MAPK10: variants seen among roughly 807,000 people sequenced by gnomAD.
MAPK10 encodes the protein mitogen-activated protein kinase 10.
MAPK10 carries 25 observed loss-of-function variants against 59.3 expected under a neutral mutation model. That is an observed-to-expected ratio of 0.42 (90% CI 0.31 to 0.59). The LOEUF is 0.59. Among genes scored for constraint, MAPK10 ranks in the 20% least tolerant of loss-of-function variants. The pLI, the probability that MAPK10 is intolerant of heterozygous loss-of-function variation, is 0.15. For synonymous variants in MAPK10, 190 were observed against 200.5 expected (o/e 0.95, Z 0.44); for missense variants, 351 against 568.9 (o/e 0.62, Z 3.90).
At chr4:86,420,874 G>A (rs917712842) in intron 1 of MAPK10, among the ~76,000 whole-genome samples, 1 of 152,102 alleles carries the variant, frequency 6.6e-6, no homozygotes. Flanking sequence ...TTGAGGTCAG[G>A]AGTATGAGAC....
intron 1 of MAPK10, among the ~76,000 whole-genome samples, chr4:86,375,713 TAAAAAAAAAAAAA>T (rs56189009): frequency 3.0e-5 from 1 of 33,322 alleles, no homozygotes; most frequent in African/African-American, 1.3e-4. Context: ...AGGTCCACTC[TAAAAAAAAAAAAA>T]AAAAAAAAAA....
rs377107765 is a variant in MAPK10 at position 86,244,259 on chromosome 4, CA to C, written c.-6-49853del. 9.3e-3 allele frequency among the ~76,000 whole-genome samples: 1,409 copies of C among 151,768 alleles called. 27 individuals are homozygous for C. The highest frequency in any genetic ancestry group is 0.031 in the African/African-American group (1,285 of 41,386). ...GTGTTTAGGCACTTACGAAAACACT[CA>C]AAAAAAATCAACCATTTTATACCTC... On this transcript the variant is annotated intron_variant, in intron 2 of 13. Transcript: ENST00000641462.
At chr4:86,116,399 T>C (rs565863438) in intron 4 of MAPK10, among the ~76,000 whole-genome samples, 92 of 152,366 alleles carry the variant, frequency 6.0e-4, no homozygotes, top group African/African-American at 1.9e-3. Context: ...AGACTTTATA[T>C]GTGTATAAGA....
At chr4:86,426,931 C>A (rs1747354274) in intron 1 of MAPK10, among the ~76,000 whole-genome samples, 1 of 151,860 alleles carries the variant, frequency 6.6e-6, no homozygotes, top group Non-Finnish European at 1.5e-5. Flanking sequence ...AATTTTTTAT[C>A]TTTTCGACTC....
chr4:86,563,112 T>C (rs1760802800), intron 1 of MAPK10, among the ~76,000 whole-genome samples: 1 of 152,202 alleles, frequency 6.6e-6, no homozygotes, highest in Admixed American at 6.5e-5. Context: ...TAAATATTTG[T>C]GCGATGTTGA....
intron 1 of MAPK10, among the ~76,000 whole-genome samples, chr4:86,424,354 T>A (rs1438271990): frequency 6.6e-6 from 1 of 152,122 alleles, no homozygotes; most frequent in Admixed American, 6.5e-5. Context: ...CACGCTCAGA[T>A]AATTTTTGTA....
chr4:86,202,623 T>C (rs1284031322), intron 2 of MAPK10, among the ~76,000 whole-genome samples: 2 of 151,848 alleles, frequency 1.3e-5, no homozygotes, highest in Non-Finnish European at 2.9e-5. Flanking sequence ...GTAGTAGAAA[T>C]ATGAAGGAAA....
intron 1 of MAPK10, among the ~76,000 whole-genome samples, chr4:86,566,889 C>T (rs573806126): frequency 3.3e-5 from 5 of 151,850 alleles, no homozygotes; most frequent in Non-Finnish European, 7.4e-5. Flanking sequence ...GGCAACATGG[C>T]GAAACCCCGT....
At chr4:86,505,458 T>C (rs1377671123) in intron 1 of MAPK10, among the ~76,000 whole-genome samples, 1 of 151,974 alleles carries the variant, frequency 6.6e-6, no homozygotes, top group Non-Finnish European at 1.5e-5. Context: ...TAAAAATTTG[T>C]GGTGGCATGC....
chr4:86,117,154 G>C (rs746366338), intron 4 of MAPK10, among the ~76,000 whole-genome samples: 1 of 152,164 alleles, frequency 6.6e-6, no homozygotes, highest in Admixed American at 6.5e-5. Flanking sequence ...TGTGCCTATT[G>C]TCCCAGCTAC....
At chr4:86,591,360 GT>G (rs1478347738) in intron 1 of MAPK10, among the ~76,000 whole-genome samples, 3 of 151,526 alleles carry the variant, frequency 2.0e-5, no homozygotes, top group Non-Finnish European at 4.4e-5. Context: ...ATTTTCATAT[GT>G]TTTTTTATTA....
Position 86,450,262 on chromosome 4 carries a change from G to A in MAPK10, c.-122+2768C>T, listed in dbSNP as rs147381266. ...TATGGTGGAGTTTAGTCAGAGTGAA[G>A]TATCAGTATTATACAGTTTAATTAT... is the stretch of plus-strand genomic sequence containing the variant. On this transcript the variant is annotated intron_variant, in intron 1 of 13. Transcript: ENST00000361569. Among the ~76,000 whole-genome samples the A allele has an allele frequency of 6.1e-3, 923 of 152,318 alleles. 7 individuals carry two copies. Among genetic ancestry groups the A allele is most frequent in the African/African-American group, 0.02 (825 of 41,562 alleles).
chr4:86,567,150 A>G (rs1761112097), intron 1 of MAPK10, among the ~76,000 whole-genome samples: 1 of 152,144 alleles, frequency 6.6e-6, no homozygotes, highest in Non-Finnish European at 1.5e-5. Flanking sequence ...TAGATTGTAT[A>G]CTGTACATAA....
At chr4:86,291,807 G>A (rs1024859888) in intron 2 of MAPK10, among the ~76,000 whole-genome samples, 2 of 152,124 alleles carry the variant, frequency 1.3e-5, no homozygotes, top group African/African-American at 2.4e-5. Context: ...CATTTTGCAA[G>A]TGCTAATGCT....
At chr4:86,494,693 A>G (rs554143866) in intron 1 of MAPK10, among the ~76,000 whole-genome samples, 5 of 151,644 alleles carry the variant, frequency 3.3e-5, no homozygotes, top group Admixed American at 3.3e-4. Flanking sequence ...AATACAAAAA[A>G]CTAGCTGGCC....
At chr4:86,552,294 C>A (rs1306681592) in intron 1 of MAPK10, among the ~76,000 whole-genome samples, 2 of 151,660 alleles carry the variant, frequency 1.3e-5, no homozygotes, top group African/African-American at 4.8e-5. Flanking sequence ...GGAGGTGCAT[C>A]CCTGTAGTCT....
At chr4:86,182,341 A>T (rs947528808) in intron 3 of MAPK10, among the ~76,000 whole-genome samples, 1 of 152,146 alleles carries the variant, frequency 6.6e-6, no homozygotes, top group Admixed American at 6.6e-5. Context: ...CAGCAATTTC[A>T]TTTTCCGTAT....
At chr4:86,362,681 C>A (rs543902969), upstream of MAPK10, among the ~76,000 whole-genome samples, 1 of 152,106 alleles carries the variant, frequency 6.6e-6, no homozygotes, top group East Asian at 1.9e-4. Context: ...GGCCAATAAG[C>A]ATATGAAAAA....
chr4:86,095,742 A>G (rs2054099801), intron 9 of MAPK10: 1 of 151,900 alleles, frequency 6.6e-6, no homozygotes, highest in African/African-American at 2.4e-5. Flanking sequence ...TAATAATTTC[A>G]TTTAAAGATT....
Sources: allele counts gnomAD v4.1 joint callset (sites outside exome capture counted in the v4.1 genomes callset), GRCh38; gene constraint gnomAD v4.1.1; transcripts MANE v1.5; gene names NCBI Gene and HGNC (gene_info 2026-07-23, HGNC 2026-07-21).